MACROD2: variants seen among roughly 807,000 people sequenced by gnomAD.
The protein encoded by MACROD2 is mono-ADP ribosylhydrolase 2, also known as ADP-ribose glycohydrolase MACROD2.
MACROD2 carries 36 observed loss-of-function variants against 70.4 expected under a neutral mutation model. That is an observed-to-expected ratio of 0.51 (90% CI 0.39 to 0.68). The LOEUF (loss-of-function observed/expected upper bound fraction) is 0.68. Among genes scored for constraint, MACROD2 ranks in the 30% least tolerant of loss-of-function variants. MACROD2 has a pLI of 0.00. For synonymous variants in MACROD2, 172 were observed against 178.8 expected, an observed-to-expected ratio of 0.96 and a Z score of 0.30; for missense variants, 496 against 538.4, an observed-to-expected ratio of 0.92 and a Z score of 0.78.
intron 3 of MACROD2, among the ~76,000 whole-genome samples, chr20:14,457,336 TA>T (rs567638415): frequency 2.0e-3 from 304 of 152,240 alleles, no homozygotes; most frequent in South Asian, 2.9e-3. Flanking sequence ...AGGTTACTTT[TA>T]TATGCAAGAT....
intron 8 of MACROD2, among the ~76,000 whole-genome samples, chr20:15,781,226 T>C (rs1401213344): frequency 6.6e-6 from 1 of 152,132 alleles, no homozygotes; most frequent in Non-Finnish European, 1.5e-5. Flanking sequence ...TGTATAGCAA[T>C]TGCTAGGAAA....
chr20:15,937,594 T>A lies in MACROD2; in HGVS notation c.907+50T>A, dbSNP rs78062656. 1.4e-3 allele frequency: 2,089 copies of A among 1,525,616 alleles called. 41 individuals are homozygous for A. The African/African-American group carries it at 0.026, about 19-fold the overall frequency. The allele number at this position is 1,525,616 out of a possible 1,614,324, so 94.5% of individuals were successfully genotyped here. On this transcript the variant is annotated intron_variant, in intron 12 of 17. Coordinates refer to ENST00000684519, the MANE Select transcript of MACROD2 (RefSeq NM_001351661.2). ...ATAATTGCAGACTCTTAAAAGAGAC[T>A]GTTTGGGCTTGTTTACATGGAAAAA...
rs73099444 is a variant in MACROD2 at position 15,212,954 on chromosome 20, C to T, written c.419-16986C>T. ...CCTAGAAACTCATGTTTTGTTTTACCAGAACCTTTAGATGGTTTTGATCGC... is the reference window on the plus strand; with the variant it reads ...CCTAGAAACTCATGTTTTGTTTTACTAGAACCTTTAGATGGTTTTGATCGC... On this transcript the variant is annotated intron_variant, in intron 5 of 17. Transcript: ENST00000684519. 4.0e-3 allele frequency among the ~76,000 whole-genome samples: 602 copies of T among 152,200 alleles called. 1 individual carries two copies. The highest frequency in any genetic ancestry group is 6.1e-3 in the Non-Finnish European group (418 of 68,002).
At chr20:14,596,789 C>A (rs1224511474) in intron 4 of MACROD2, among the ~76,000 whole-genome samples, 2 of 152,102 alleles carry the variant, frequency 1.3e-5, no homozygotes, top group Non-Finnish European at 2.9e-5. Context: ...CCCATCTGTA[C>A]CATGGAGTTA....
At position 15,986,786 on chromosome 20, in the gene MACROD2, T is replaced by A; in HGVS notation, c.1045T>A (p.Tyr349Asn). ...IKIETESQSSYMETEELSSNQ... is the reference protein window; with the variant it reads ...IKIETESQSSNMETEELSSNQ... ...AATTGAAACAGAATCGCAGAGCTCATATATGGAAACAGAAGGTACTGAAAC... is the reference window on the plus strand; with the variant it reads ...AATTGAAACAGAATCGCAGAGCTCAAATATGGAAACAGAAGGTACTGAAAC... The change falls in exon 14 of 18, where the codon TAT (tyrosine) becomes AAT (asparagine). Residue 349 changes from tyrosine (Y) to asparagine (N), a missense_variant. Coordinates refer to ENST00000684519, the MANE Select transcript of MACROD2 (RefSeq NM_001351661.2). 1 of 1,612,936 alleles carries A rather than the reference T, an allele frequency of 6.2e-7. No homozygotes were observed. Among genetic ancestry groups the A allele is most frequent in the Non-Finnish European group, 8.5e-7 (1 of 1,179,166 alleles).
intron 13 of MACROD2, among the ~76,000 whole-genome samples, chr20:15,974,909 TAAC>T (rs941948780): frequency 6.6e-6 from 1 of 151,802 alleles, no homozygotes; most frequent in Non-Finnish European, 1.5e-5. Context: ...AAGAGGAAAA[TAAC>T]AAAATTGTAA....
chr20:14,835,369 A>G (rs2073018200), intron 5 of MACROD2, among the ~76,000 whole-genome samples: 2 of 152,230 alleles, frequency 1.3e-5, no homozygotes, highest in African/African-American at 2.4e-5. Flanking sequence ...TCTATTTAAT[A>G]TATCAGATAG....
intron 15 of MACROD2, among the ~76,000 whole-genome samples, chr20:16,034,427 A>G (rs1268189786): frequency 1.3e-5 from 2 of 152,012 alleles, no homozygotes; most frequent in East Asian, 3.9e-4. Context: ...GGAAAATGAA[A>G]TCTAATTGAG....
At chr20:15,488,033 G>C (rs925437939) in intron 7 of MACROD2, among the ~76,000 whole-genome samples, 9 of 152,172 alleles carry the variant, frequency 5.9e-5, no homozygotes, top group Non-Finnish European at 1.0e-4. Context: ...ACAAAGCTAA[G>C]AGACCCTGTC....
intron 4 of MACROD2, among the ~76,000 whole-genome samples, chr20:14,651,713 A>C (rs1030874317): frequency 6.6e-6 from 1 of 152,198 alleles, no homozygotes; most frequent in Non-Finnish European, 1.5e-5. Flanking sequence ...AGGAGGATAT[A>C]TGCCTCTCCA....
intron 3 of MACROD2, among the ~76,000 whole-genome samples, chr20:14,340,738 G>T (rs1020489442): frequency 6.6e-6 from 1 of 152,262 alleles, no homozygotes; most frequent in Non-Finnish European, 1.5e-5. Flanking sequence ...AGCATTGTAC[G>T]TGAGAAAGTG....
intron 5 of MACROD2, among the ~76,000 whole-genome samples, chr20:14,939,632 A>G (rs571149267): frequency 2.0e-5 from 3 of 152,238 alleles, no homozygotes; most frequent in Non-Finnish European, 2.9e-5. Flanking sequence ...TGAAAATGCC[A>G]TGGTATTTTG....
At chr20:14,773,327 C>A (rs1461265025) in intron 5 of MACROD2, among the ~76,000 whole-genome samples, 1 of 152,076 alleles carries the variant, frequency 6.6e-6, no homozygotes, top group Non-Finnish European at 1.5e-5. Flanking sequence ...CAAACATTTA[C>A]TATCAAGCAG....
intron 4 of MACROD2, among the ~76,000 whole-genome samples, chr20:14,535,735 C>A (rs931336460): frequency 1.3e-5 from 2 of 152,106 alleles, no homozygotes; most frequent in Non-Finnish European, 2.9e-5. Context: ...CACTTTCCTT[C>A]ACTTTCCTTG....
intron 5 of MACROD2, among the ~76,000 whole-genome samples, chr20:15,159,250 G>C (rs1256930803): frequency 6.6e-6 from 1 of 152,038 alleles, no homozygotes; most frequent in Admixed American, 6.6e-5. Flanking sequence ...GTTGTATAAC[G>C]AAAGTATGAC....
chr20:15,254,331 C>A (rs996210201), intron 6 of MACROD2, among the ~76,000 whole-genome samples: 4 of 152,114 alleles, frequency 2.6e-5, no homozygotes, highest in African/African-American at 9.7e-5. Flanking sequence ...CAGCCAGAAT[C>A]ATCAATAACT....
At chr20:14,548,874 A>G (rs1978456953) in intron 4 of MACROD2, among the ~76,000 whole-genome samples, 2 of 152,130 alleles carry the variant, frequency 1.3e-5, no homozygotes, top group Admixed American at 6.6e-5. Flanking sequence ...AAGGGTGACA[A>G]GCAAATTAAC....
At position 15,603,711 on chromosome 20, in the gene MACROD2, A is replaced by G. The variant is rs183779263; in HGVS notation, c.645+103864A>G. Among the ~76,000 whole-genome samples, 41 of 152,206 alleles carry G rather than the reference A, an allele frequency of 2.7e-4. No homozygotes were observed. The East Asian group carries it at 7.9e-3, about 29-fold the overall frequency. ...CCAGTATTGCAGGAAAAATCACTAC[A>G]CTAGTTAGCATAAAAGGAAAACAGA... On this transcript the variant is annotated intron_variant, in intron 8 of 17. Transcript: ENST00000684519.
At chr20:15,027,646 G>A (rs1215700535) in intron 5 of MACROD2, among the ~76,000 whole-genome samples, 2 of 151,328 alleles carry the variant, frequency 1.3e-5, no homozygotes, top group African/African-American at 2.4e-5. Flanking sequence ...AGGCCAAGCC[G>A]GGAGGATTGC....
Sources: allele counts gnomAD v4.1 joint callset (sites outside exome capture counted in the v4.1 genomes callset), GRCh38; gene constraint gnomAD v4.1.1; transcripts MANE v1.5; gene names NCBI Gene and HGNC (gene_info 2026-07-23, HGNC 2026-07-21).